The following PNPLA8 variants were observed in gnomAD, a reference collection of about 807,000 sequenced individuals.
PNPLA8 encodes calcium-independent phospholipase A2-gamma.
A neutral mutation model predicts 76.9 loss-of-function variants in PNPLA8; 39 were observed. The ratio of observed to expected loss-of-function variants is 0.51; its 90% CI spans 0.39 to 0.66. The LOEUF is 0.66. Ranked by LOEUF, PNPLA8 falls within the 30% of genes least tolerant of loss-of-function variation. PNPLA8 has a pLI of 0.00. For missense variants in PNPLA8, 887 were observed against 918.0 expected (o/e 0.97, Z 0.44); for synonymous variants, 301 against 307.9 (o/e 0.98, Z 0.24).
chr7:108,475,910 T>C (rs1418368333), intron 10 of PNPLA8, among the ~76,000 whole-genome samples: 3 of 152,190 alleles, frequency 2.0e-5, no homozygotes, highest in Admixed American at 1.3e-4. Context: ...ATCTGGTCCC[T>C]AATAGTTTAT....
rs114954879 is a variant in PNPLA8 at position 108,480,700 on chromosome 7, T to C, written c.1879-1321A>G. On this transcript the variant is annotated intron_variant, in intron 9 of 10. Transcript: ENST00000257694. ...TAAACATTTTCAGTAATATGGTGCA[T>C]ACAACCTTGTAAAGCAGCTCATTTC... 1,885 of 420,898 alleles carry C rather than the reference T, an allele frequency of 4.5e-3. 29 individuals are homozygous for C. Among genetic ancestry groups the C allele is most frequent in the African/African-American group, 0.033 (1,656 of 49,544 alleles). The allele number at this position is 420,898 out of a possible 1,614,324, so 26.1% of individuals were successfully genotyped here. A position where few individuals can be genotyped will look rare whatever the true frequency, so the allele number is the denominator to read the frequency against.
In PNPLA8 at chr7:108,476,438, TC is replaced by T. The variant is rs1165944943; in HGVS notation, c.2074+2745del. ...AATGTGAATCAAAACCACAATGAGA[TC>T]CCACCTTACACCTGTTAGGATGGCT... On this transcript the variant is annotated intron_variant, in intron 10 of 10. Coordinates refer to ENST00000257694, the MANE Select transcript of PNPLA8 (RefSeq NM_001256007.3). Among the ~76,000 whole-genome samples, 4 of 152,144 alleles carry T rather than the reference TC, an allele frequency of 2.6e-5. No homozygotes were observed. In the East Asian group the frequency reaches 5.8e-4, roughly 22 times the overall value.
intron 4 of PNPLA8, 56 bp downstream of exon 4, chr7:108,514,088 T>C: frequency 1.6e-6 from 2 of 1,234,442 alleles, no homozygotes; most frequent in South Asian, 2.8e-5. Flanking sequence ...CCATTTTAGA[T>C]TTTTTTTAGT....
At position 108,514,299 on chromosome 7, in the gene PNPLA8, A is replaced by C. The variant is rs751681710; in HGVS notation, c.1057-6T>G. On this transcript the variant is annotated splice_region_variant and splice_polypyrimidine_tract_variant and intron_variant, in intron 3 of 10. Coordinates refer to ENST00000257694, the MANE Select transcript of PNPLA8 (RefSeq NM_001256007.3). ...ATACTCACCCTTGCGATAATCTACA[A>C]AGACATATTAAATAGATATGATTAG... 2.4e-5 allele frequency: 38 copies of C among 1,602,880 alleles called. No homozygotes were observed. Among genetic ancestry groups the C allele is most frequent in the Non-Finnish European group, 3.0e-5 (35 of 1,173,464 alleles).
chr7:108,493,713 C>G (rs1267292920), intron 7 of PNPLA8, among the ~76,000 whole-genome samples: 1 of 151,410 alleles, frequency 6.6e-6, no homozygotes, highest in Non-Finnish European at 1.5e-5. Flanking sequence ...GAAGCTTTCA[C>G]GATTGGAAAG....
rs564780949 is a variant in PNPLA8 at position 108,520,068 on chromosome 7, T to G, written c.-84+1408A>C. Among the ~76,000 whole-genome samples, 59 of 152,308 alleles carry G rather than the reference T, an allele frequency of 3.9e-4. 1 individual carries two copies. The highest frequency in any genetic ancestry group is 1.4e-3 in the African/African-American group (58 of 41,572). ...CCCTCTGAAAATAGCTATATAAGTA[T>G]GTGGGCCCCACTGGGATATTTAAGT... On this transcript the variant is annotated intron_variant, in intron 2 of 10. Transcript: ENST00000257694.
chr7:108,498,807 A>G (rs1861742622), intron 5 of PNPLA8, among the ~76,000 whole-genome samples: 1 of 152,198 alleles, frequency 6.6e-6, no homozygotes, highest in Non-Finnish European at 1.5e-5. Flanking sequence ...TGTGTGTATC[A>G]TGACAATTTT....
intron 8 of PNPLA8, among the ~76,000 whole-genome samples, chr7:108,490,090 G>C (rs1453565812): frequency 1.3e-5 from 2 of 152,152 alleles, no homozygotes; most frequent in Non-Finnish European, 2.9e-5. Context: ...TCTTTCTATA[G>C]ATATTTTTTA....
chr7:108,500,122 G>A (rs1315554732), intron 5 of PNPLA8, among the ~76,000 whole-genome samples: 1 of 152,072 alleles, frequency 6.6e-6, no homozygotes, highest in Non-Finnish European at 1.5e-5. Context: ...CTGTCCCCAG[G>A]ATCTAAATCA....
chr7:108,501,222 G>C (rs1025611734), intron 5 of PNPLA8, among the ~76,000 whole-genome samples: 1 of 152,194 alleles, frequency 6.6e-6, no homozygotes, highest in Non-Finnish European at 1.5e-5. Context: ...CAGGGAACTA[G>C]AGAACAAGCT....
rs1476601890 is a variant in PNPLA8, at chr7:108,473,782, G to A, written c.2075-1107C>T. 3.3e-5 allele frequency among the ~76,000 whole-genome samples: 5 copies of A among 152,182 alleles called. No homozygotes were observed. In the South Asian group the frequency reaches 6.2e-4, roughly 19 times the overall value. ...GACAGTGGTGCAATCATGGCTCACC[G>A]CAACCTCGAACTCCTGGGCTCAAGT... is the stretch of plus-strand genomic sequence containing the variant. On this transcript the variant is annotated intron_variant, in intron 10 of 10. Coordinates refer to ENST00000257694, the MANE Select transcript of PNPLA8 (RefSeq NM_001256007.3).
At position 108,487,772 on chromosome 7, in the gene PNPLA8, T is replaced by C. The variant is rs1472707690; in HGVS notation, c.1865A>G (p.Asn622Ser). The change falls in exon 9 of 11, where the codon AAT becomes AGT. Residue 622 changes from asparagine (N) to serine (S), a missense_variant. Physicochemically the swap from Asn to Ser is conservative, Grantham distance 46. Coordinates refer to ENST00000257694, the MANE Select transcript of PNPLA8 (RefSeq NM_001256007.3). Reference sequence around the variant, plus strand: ...AAGTCAACTTACTTGATGAAGATCATTTCCCAATGCATATTCTGCAAAGTA... The same window carrying C: ...AAGTCAACTTACTTGATGAAGATCACTTCCCAATGCATATTCTGCAAAGTA... ...PGYFAEYALG[N>S]DLHQDGGLLL... 1 of 1,599,274 alleles carries C rather than the reference T, an allele frequency of 6.3e-7. No homozygotes were observed. Among genetic ancestry groups the C allele is most frequent in the Non-Finnish European group, 8.5e-7 (1 of 1,173,556 alleles).
intron 4 of PNPLA8, among the ~76,000 whole-genome samples, chr7:108,511,162 G>T (rs934942791): frequency 6.6e-6 from 1 of 152,036 alleles, no homozygotes; most frequent in Non-Finnish European, 1.5e-5. Context: ...TTCAGTTGAT[G>T]AAGGAAGGCT....
At chr7:108,496,097 T>C (rs1027007277) in intron 7 of PNPLA8, among the ~76,000 whole-genome samples, 2 of 152,126 alleles carry the variant, frequency 1.3e-5, no homozygotes, top group Non-Finnish European at 2.9e-5. Flanking sequence ...TAGCTGGGCA[T>C]GGTGGTGCAC....
Position 108,514,589 on chromosome 7 carries a change from T to C in PNPLA8, c.903A>G (p.Leu301=). The change falls in exon 3 of 11, where the codon TTA becomes TTG. Residue 301 remains leucine (L), a synonymous_variant. Transcript: ENST00000257694. ...LSRPTEGVQA[L]VGGYIGGLVP... is the part of the protein sequence containing the mutation. Reference sequence around the variant, plus strand: ...CAAGTCCACCAATATAACCACCTACTAAAGCTTGTACACCTTCCGTGGGAC... The same window carrying C: ...CAAGTCCACCAATATAACCACCTACCAAAGCTTGTACACCTTCCGTGGGAC... 1.2e-6 allele frequency: 2 copies of C among 1,614,122 alleles called. No homozygotes were observed. The highest frequency in any genetic ancestry group is 1.7e-6 in the Non-Finnish European group (2 of 1,179,986).
intron 4 of PNPLA8, among the ~76,000 whole-genome samples, chr7:108,513,334 ATAATG>A (rs1863073397): frequency 2.6e-5 from 4 of 152,140 alleles, no homozygotes; most frequent in Admixed American, 2.6e-4. Flanking sequence ...GCTACCTATA[ATAATG>A]TATGTGTTAT....
intron 8 of PNPLA8, among the ~76,000 whole-genome samples, chr7:108,489,035 T>C (rs1860950436): frequency 6.6e-6 from 1 of 152,240 alleles, no homozygotes; most frequent in Admixed American, 6.5e-5. Flanking sequence ...CTTTCTATAG[T>C]TGGCATATAA....
At chr7:108,503,428 T>C (rs1351393494) in intron 4 of PNPLA8, among the ~76,000 whole-genome samples, 4 of 152,218 alleles carry the variant, frequency 2.6e-5, no homozygotes, top group Non-Finnish European at 5.9e-5. Context: ...TTATGATCAA[T>C]CAACCTGAAA....
chr7:108,514,955 G>A lies in PNPLA8; in HGVS notation c.537C>T (p.Asp179=). Residue 179 remains aspartate, a synonymous_variant, in exon 3 of 11, where the codon GAC becomes GAT. Transcript: ENST00000257694. ...TGCGTTTACCTATATCTTCTTCTTTGTCTATAATGTGACTTTTCTCTTCTG... is the reference window on the plus strand; with the variant it reads ...TGCGTTTACCTATATCTTCTTCTTTATCTATAATGTGACTTTTCTCTTCTG... ...PFPEEKSHII[D]KEEDIGKRSL... 6.2e-7 allele frequency: 1 copy of A among 1,609,618 alleles called. No homozygotes were observed. Among genetic ancestry groups the A allele is most frequent in the Non-Finnish European group, 8.5e-7 (1 of 1,179,436 alleles).
Sources: allele counts gnomAD v4.1 joint callset (sites outside exome capture counted in the v4.1 genomes callset), GRCh38; gene constraint gnomAD v4.1.1; transcripts MANE v1.5; gene names NCBI Gene and HGNC (gene_info 2026-07-23, HGNC 2026-07-21).